The following SLC16A6 variants were observed in gnomAD, a reference collection of about 807,000 sequenced individuals.
The protein encoded by SLC16A6 is solute carrier family 16 member 6, also known as monocarboxylate transporter 7.
Under a neutral mutation model 33.8 loss-of-function variants are expected in SLC16A6, and 15 were observed. The ratio of observed to expected loss-of-function variants is 0.44; its 90% CI spans 0.30 to 0.68. SLC16A6 has a LOEUF of 0.68. Among genes scored for constraint, SLC16A6 ranks in the 30% least tolerant of loss-of-function variants. The pLI is 0.10. For missense variants in SLC16A6, 451 were observed against 661.5 expected, an observed-to-expected ratio of 0.68 and a Z score of 3.49; for synonymous variants, 219 against 248.4, an observed-to-expected ratio of 0.88 and a Z score of 1.11.
chr17:68,278,729 C>T (rs1023986112), intron 1 of SLC16A6, among the ~76,000 whole-genome samples: 3 of 149,828 alleles, frequency 2.0e-5, no homozygotes, highest in Non-Finnish European at 2.9e-5. Flanking sequence ...AAGTGATTCT[C>T]CTGCCTCAGC....
intron 1 of SLC16A6, among the ~76,000 whole-genome samples, chr17:68,287,257 C>T (rs191852292): frequency 1.3e-3 from 192 of 152,182 alleles, no homozygotes; most frequent in Non-Finnish European, 2.1e-3. Context: ...TAGTATTAAA[C>T]GTTAGATAGT....
chr17:68,286,982 C>CTTTTTG (rs1293929941), intron 1 of SLC16A6, among the ~76,000 whole-genome samples: 1 of 152,068 alleles, frequency 6.6e-6, no homozygotes, highest in Admixed American at 6.6e-5. Flanking sequence ...AGATGGTGGA[C>CTTTTTG]TTTTTGTTTT....
chr17:68,273,857 T>G (rs1410626193), intron 3 of SLC16A6, 70 bp downstream of exon 3: 18 of 1,543,382 alleles, frequency 1.2e-5, no homozygotes, highest in Non-Finnish European at 1.2e-5. Flanking sequence ...GGCTTTAATT[T>G]CCTCCTTCCC....
intron 2 of SLC16A6, among the ~76,000 whole-genome samples, chr17:68,277,532 C>T (rs1484913341): frequency 6.6e-6 from 1 of 152,136 alleles, no homozygotes; most frequent in East Asian, 1.9e-4. Context: ...TGGGTTCAAG[C>T]AATTCTCGTG....
At chr17:68,275,205 C>T (rs1360619505) in intron 2 of SLC16A6, among the ~76,000 whole-genome samples, 4 of 152,166 alleles carry the variant, frequency 2.6e-5, no homozygotes, top group Non-Finnish European at 5.9e-5. Flanking sequence ...GCTGTATCCC[C>T]TAGGACATTT....
intron 2 of SLC16A6, among the ~76,000 whole-genome samples, chr17:68,277,270 A>G (rs566909383): frequency 6.6e-6 from 1 of 151,728 alleles, no homozygotes; most frequent in Non-Finnish European, 1.5e-5. Flanking sequence ...TGCTGGGATT[A>G]CAGGCACATA....
chr17:68,274,494 A>C (rs1241578951), intron 2 of SLC16A6: 1 of 153,776 alleles, frequency 6.5e-6, no homozygotes, highest in Non-Finnish European at 1.4e-5. Context: ...ACCATAACAC[A>C]TTTCATGCAA....
chr17:68,270,907 ATCT>A lies in SLC16A6; in HGVS notation c.1250_1252del (p.Lys417del), dbSNP rs2075318336. On this transcript the variant is annotated inframe_deletion, in exon 5 of 6. Coordinates refer to ENST00000580666, the MANE Select transcript of SLC16A6 (RefSeq NM_004694.5). ...GATGTAGACCCCAGCTGCAGAAGACATCTTCTCAATGCCCACGACATCATCCTC... is the reference window on the plus strand; with the variant it reads ...GATGTAGACCCCAGCTGCAGAAGACATCTCAATGCCCACGACATCATCCTC... The A allele has an allele frequency of 6.2e-7, 1 of 1,614,240 alleles. No homozygotes were observed. Among genetic ancestry groups the A allele is most frequent in the Non-Finnish European group, 8.5e-7 (1 of 1,180,046 alleles).
intron 1 of SLC16A6, among the ~76,000 whole-genome samples, chr17:68,284,831 T>G (rs1166053923): frequency 6.6e-6 from 1 of 152,212 alleles, no homozygotes; most frequent in African/African-American, 2.4e-5. Context: ...ATGAGTATGC[T>G]CTTTGCAGCA....
intron 3 of SLC16A6, 152 bp downstream of exon 3, chr17:68,273,775 C>G: frequency 1.1e-6 from 1 of 892,774 alleles, no homozygotes; most frequent in East Asian, 2.6e-5. Flanking sequence ...GTCCATATAG[C>G]TCAGTTCAAA....
intron 1 of SLC16A6, among the ~76,000 whole-genome samples, chr17:68,279,191 T>C (rs1032684591): frequency 3.3e-5 from 5 of 152,066 alleles, no homozygotes; most frequent in East Asian, 3.9e-4. Context: ...TGATCAGAAA[T>C]GAAGCCTAGA....
chr17:68,282,379 C>T (rs1555753093), intron 1 of SLC16A6, among the ~76,000 whole-genome samples: 1 of 151,860 alleles, frequency 6.6e-6, no homozygotes, highest in Non-Finnish European at 1.5e-5. Flanking sequence ...GGAGGGATAG[C>T]ATTAGGAGAT....
chr17:68,271,742 C>T lies in SLC16A6; in HGVS notation c.506-88G>A, dbSNP rs782292749. 28 of 996,762 alleles carry T rather than the reference C, an allele frequency of 2.8e-5. No individual in the cohort carries two copies. The highest frequency in any genetic ancestry group is 4.5e-4 in the Middle Eastern group (2 of 4,428). The allele number at this position is 996,762 out of a possible 1,614,324, so 61.7% of individuals were successfully genotyped here. ...GAAGCCATCAAGAAGAAATATGGAT[C>T]CAGATTTTGTTATAAGTTCTGTGGA... On this transcript the variant is annotated intron_variant, in intron 4 of 5. Transcript: ENST00000580666. This position sits in a 1 kb window ranked among gnomAD's most constrained non-coding sequence, Gnocchi z 5.3.
At chr17:68,283,961 C>G (rs1272881499) in intron 1 of SLC16A6, among the ~76,000 whole-genome samples, 1 of 150,608 alleles carries the variant, frequency 6.6e-6, no homozygotes. Flanking sequence ...AGTAGTAGCA[C>G]GAGCCTGTTA....
At chr17:68,287,841 T>C (rs572670925) in intron 1 of SLC16A6, among the ~76,000 whole-genome samples, 155 of 152,248 alleles carry the variant, frequency 1.0e-3, no homozygotes, top group African/African-American at 3.5e-3. Context: ...CACAGGTCTT[T>C]CCTTAAAAAA....
upstream of SLC16A6, chr17:68,291,382 T>G (rs1249928537): frequency 7.0e-6 from 1 of 142,860 alleles, no homozygotes; most frequent in African/African-American, 2.6e-5. Flanking sequence ...TGCCTAGCTC[T>G]TATCCTATAC....
At chr17:68,272,577 C>T in intron 4 of SLC16A6, 62 bp downstream of exon 4, 1 of 1,583,850 alleles carries the variant, frequency 6.3e-7, no homozygotes, top group South Asian at 1.1e-5. Context: ...GTTAGCGTAG[C>T]AAGAATACCT....
chr17:68,271,634 G>T lies in SLC16A6; in HGVS notation c.526C>A (p.Arg176Ser), dbSNP rs368721903. The T allele has an allele frequency of 1.4e-5, 23 of 1,613,054 alleles. No individual in the cohort carries two copies. The African/African-American group carries it at 2.9e-4, about 21-fold the overall frequency. ...FAPAIMALKERIGWRYSLLFV... is the reference protein window; with the variant it reads ...FAPAIMALKESIGWRYSLLFV... ...AGGAGGCTGTATCTCCAGCCAATGC[G>T]CTCCTTCAGAGCCATGATTGCTTGA... The change falls in exon 5 of 6, where the codon CGC becomes AGC. Residue 176 changes from arginine to serine, a missense_variant. Arg to Ser is a moderately radical substitution (Grantham distance 110). Around this residue, in one of 2 missense-constraint regions of SLC16A6, gnomAD observed 405 missense variants for 510.7 expected, o/e 0.79. Transcript: ENST00000580666. This position sits in a 1 kb window ranked among gnomAD's most constrained non-coding sequence, Gnocchi z 5.3.
chr17:68,284,355 C>T (rs2075794077), intron 1 of SLC16A6, among the ~76,000 whole-genome samples: 1 of 152,066 alleles, frequency 6.6e-6, no homozygotes, highest in South Asian at 2.1e-4. Context: ...GATCGTGCCA[C>T]TGCACTCCAG....
Sources: gnomAD v4.1 joint callset for allele counts (sites outside exome capture counted in the v4.1 genomes callset) on GRCh38, gnomAD v4.1.1 for gene constraint, gnomAD v4.1.1 regional missense constraint, Gnocchi (gnomAD v3.1) non-coding constraint, MANE v1.5 for transcripts, NCBI Gene and HGNC (gene_info 2026-07-23, HGNC 2026-07-21) for gene names.